SLC7A11: variants seen among roughly 807,000 people sequenced by gnomAD.
SLC7A11 encodes the protein solute carrier family 7 member 11, also known as cystine/glutamate transporter.
Under a neutral mutation model 54.5 loss-of-function variants are expected in SLC7A11, and 35 were observed. The ratio of observed to expected loss-of-function variants is 0.64; its 90% CI spans 0.49 to 0.85. The LOEUF (loss-of-function observed/expected upper bound fraction) is 0.85. Among genes scored for constraint, SLC7A11 ranks in the 40% least tolerant of loss-of-function variants. The pLI is 0.00. For synonymous variants in SLC7A11, 230 were observed against 225.2 expected, an observed-to-expected ratio of 1.02 and a Z score of -0.19; for missense variants, 583 against 618.1, an observed-to-expected ratio of 0.94 and a Z score of 0.60.
rs1266164619 is a variant in SLC7A11, at chr4:138,167,170, AT to A, written c.*4785del. 7.1e-5 allele frequency: 7 copies of A among 98,038 alleles called. No individual in the cohort carries two copies. Among genetic ancestry groups the A allele is most frequent in the Admixed American group, 4.5e-4 (3 of 6,710 alleles). 6.1% of individuals were successfully genotyped at this position (98,038 alleles called of 1,614,324 possible). ...TTTTTTTTTTTTTTTTTTTTTTGAGATGAAGTCTCGCGCTCTTGTCCCCTAG... is the reference window on the plus strand; with the variant it reads ...TTTTTTTTTTTTTTTTTTTTTTGAGAGAAGTCTCGCGCTCTTGTCCCCTAG... On this transcript the variant is annotated 3_prime_UTR_variant, in exon 12 of 12. Coordinates refer to ENST00000280612, the MANE Select transcript of SLC7A11 (RefSeq NM_014331.4).
chr4:138,228,075 A>G (rs373063529), intron 3 of SLC7A11, among the ~76,000 whole-genome samples: 5 of 152,232 alleles, frequency 3.3e-5, no homozygotes, highest in African/African-American at 7.2e-5. Context: ...TAGATTTCAA[A>G]AAGAATATAA....
At chr4:138,225,153 TATATATA>T (rs1737915226) in intron 3 of SLC7A11, among the ~76,000 whole-genome samples, 1 of 144,782 alleles carries the variant, frequency 6.9e-6, no homozygotes, top group Admixed American at 6.9e-5. Flanking sequence ...TATATATATA[TATATATA>T]TATATATATA....
In SLC7A11 at chr4:138,171,832, A is replaced by T; in HGVS notation, c.*124T>A. ...TCGAATATGCTAAAATATATGAATA[A>T]AAATAACTGACTCCTTTTGTTTATC... is the stretch of plus-strand genomic sequence containing the variant. On this transcript the variant is annotated 3_prime_UTR_variant, in exon 12 of 12. Transcript: ENST00000280612. The T allele has an allele frequency of 1.6e-6, 2 of 1,245,194 alleles. No individual in the cohort carries two copies. Among genetic ancestry groups the T allele is most frequent in the Non-Finnish European group, 2.2e-6 (2 of 916,744 alleles). 77.1% of individuals were successfully genotyped at this position (1,245,194 alleles called of 1,614,324 possible).
Position 138,237,398 on chromosome 4 carries a change from T to G in SLC7A11, c.278-947A>C, listed in dbSNP as rs376480989. ...TGAAGTGTACTCTCTGGGTGTTTTTTTTTGTTTGTTTTTTGTTTTTTTGAG... is the reference window on the plus strand; with the variant it reads ...TGAAGTGTACTCTCTGGGTGTTTTTGTTTGTTTGTTTTTTGTTTTTTTGAG... On this transcript the variant is annotated intron_variant, in intron 1 of 11. Transcript: ENST00000280612. 4.8e-4 allele frequency among the ~76,000 whole-genome samples: 73 copies of G among 151,358 alleles called. No homozygotes were observed. The East Asian group carries it at 5.7e-3, about 12-fold the overall frequency.
chr4:138,223,356 G>A, intron 3 of SLC7A11, 32 bp from the exon 4 acceptor site: 2 of 1,609,432 alleles, frequency 1.2e-6, no homozygotes, highest in South Asian at 2.2e-5. Context: ...TACAAAAGGT[G>A]AATTCTCACT....
intron 9 of SLC7A11, among the ~76,000 whole-genome samples, chr4:138,181,975 G>A (rs1378433085): frequency 6.6e-6 from 1 of 151,998 alleles, no homozygotes. Context: ...AAGTCATTGG[G>A]ACTTAATACT....
chr4:138,189,168 G>A (rs950018588), intron 6 of SLC7A11, among the ~76,000 whole-genome samples: 5 of 152,146 alleles, frequency 3.3e-5, no homozygotes, highest in Admixed American at 6.6e-5. Flanking sequence ...TGTTCCGAGT[G>A]ATAGGCCTCC....
intron 3 of SLC7A11, among the ~76,000 whole-genome samples, chr4:138,228,947 T>G (rs1738010810): frequency 6.6e-6 from 1 of 152,104 alleles, no homozygotes; most frequent in Non-Finnish European, 1.5e-5. Flanking sequence ...AGAAATGAAA[T>G]ACAGTACTTA....
intron 1 of SLC7A11, 29 bp downstream of exon 1, chr4:138,241,764 G>A: frequency 6.5e-7 from 1 of 1,532,960 alleles, no homozygotes; most frequent in Non-Finnish European, 9.0e-7. Context: ...CCACAGCCAC[G>A]CCCCCACGAG....
chr4:138,231,203 G>A (rs1738069244), intron 3 of SLC7A11, among the ~76,000 whole-genome samples: 1 of 151,984 alleles, frequency 6.6e-6, no homozygotes, highest in South Asian at 2.1e-4. Context: ...GGTAGGAGGA[G>A]GATAAGGGAT....
intron 1 of SLC7A11, among the ~76,000 whole-genome samples, chr4:138,239,129 G>A (rs917657792): frequency 9.2e-5 from 14 of 152,212 alleles, no homozygotes; most frequent in African/African-American, 1.9e-4. Context: ...GGAAACATTC[G>A]CCATGTTGGT....
chr4:138,207,564 G>T (rs1157107058), intron 6 of SLC7A11, among the ~76,000 whole-genome samples: 1 of 151,982 alleles, frequency 6.6e-6, no homozygotes, highest in African/African-American at 2.4e-5. Flanking sequence ...AATTAGCTGG[G>T]CATAGTGGCA....
intron 11 of SLC7A11, among the ~76,000 whole-genome samples, chr4:138,172,907 G>A (rs531656241): frequency 3.0e-4 from 46 of 152,178 alleles, no homozygotes; most frequent in African/African-American, 8.2e-4. Flanking sequence ...GCAATGGTGC[G>A]ATCTCGGCTC....
At chr4:138,174,828 G>A (rs1408938505) in intron 11 of SLC7A11, 1 of 152,140 alleles carries the variant, frequency 6.6e-6, no homozygotes, top group Non-Finnish European at 1.5e-5. Context: ...AGTATTTTTA[G>A]CTTTACCTTT....
intron 4 of SLC7A11, among the ~76,000 whole-genome samples, chr4:138,221,128 A>G (rs1737799021): frequency 2.0e-5 from 3 of 152,210 alleles, no homozygotes; most frequent in Admixed American, 2.0e-4. Flanking sequence ...CTTAGAGTGC[A>G]GCACCAAATA....
chr4:138,185,979 A>T (rs1382821430), intron 6 of SLC7A11, among the ~76,000 whole-genome samples: 3 of 152,142 alleles, frequency 2.0e-5, no homozygotes, highest in African/African-American at 7.2e-5. Context: ...AACAGCGCAG[A>T]TAATCCCATG....
Position 138,225,039 on chromosome 4 carries a change from A to G in SLC7A11, c.521-1715T>C, listed in dbSNP as rs148173213. The stretch of plus-strand genomic sequence containing the variant: ...AAATACTGAATTGTATACTTGAAAT[A>G]TACTTAAATGTTCTCACCACAGAAC... On this transcript the variant is annotated intron_variant, in intron 3 of 11. Transcript: ENST00000280612. 1.5e-3 allele frequency among the ~76,000 whole-genome samples: 219 copies of G among 150,464 alleles called. No individual in the cohort carries two copies. In the East Asian group the frequency reaches 0.034, roughly 23 times the overall value.
rs2148402425 is a variant in SLC7A11 at position 138,166,080 on chromosome 4, A to G, written c.*5876T>C. On this transcript the variant is annotated 3_prime_UTR_variant, in exon 12 of 12. Transcript: ENST00000280612. ...AACAATCTGTTTCATTCTTCAAAGT[A>G]TGTTTGTACTTTGGAATGAAGGAGA... 6.6e-6 allele frequency: 1 copy of G among 152,268 alleles called. No individual in the cohort carries two copies. Among genetic ancestry groups the G allele is most frequent in the East Asian group, 1.9e-4 (1 of 5,180 alleles). The allele number at this position is 152,268 out of a possible 1,614,324, so 9.4% of individuals were successfully genotyped here.
At chr4:138,228,758 C>CAAAAAAA (rs5862371) in intron 3 of SLC7A11, among the ~76,000 whole-genome samples, 10 of 67,760 alleles carry the variant, frequency 1.5e-4, no homozygotes, top group East Asian at 9.6e-4. Context: ...GACTCCGTCT[C>CAAAAAAA]AAAAAAAAAA....
Sources: gnomAD v4.1 joint callset for allele counts (sites outside exome capture counted in the v4.1 genomes callset) on GRCh38, gnomAD v4.1.1 for gene constraint, MANE v1.5 for transcripts, NCBI Gene and HGNC (gene_info 2026-07-23, HGNC 2026-07-21) for gene names.